Variants in PROSER1 observed in about 807,000 individuals in gnomAD.
PROSER1 encodes proline and serine-rich protein 1.
Under a neutral mutation model 71.8 loss-of-function variants are expected in PROSER1, and 36 were observed. The ratio of observed to expected loss-of-function variants is 0.50; its 90% CI spans 0.38 to 0.66. The LOEUF (loss-of-function observed/expected upper bound fraction) is 0.66. PROSER1 is among the 30% of genes least tolerant of loss of function. The pLI is 0.00. For missense variants in PROSER1, 1,107 were observed against 1,135.0 expected (o/e 0.98, Z 0.35); for synonymous variants, 490 against 452.4 (o/e 1.08, Z -1.06).
chr13:39,022,710 C>T (rs1025831555), intron 8 of PROSER1: 8 of 385,412 alleles, frequency 2.1e-5, no homozygotes, highest in East Asian at 4.2e-5. Flanking sequence ...TTCTGCCAAA[C>T]GCATATACTT....
Position 39,012,225 on chromosome 13 carries a change from G to C in PROSER1, c.2570C>G (p.Ser857Cys). Reference sequence around the variant, plus strand: ...AGAACTGCCTGCAGCTTGAAGTCCAGATGATAAACTAAAACAATTGACAGA... The same window carrying C: ...AGAACTGCCTGCAGCTTGAAGTCCACATGATAAACTAAAACAATTGACAGA... ...SALVAQAGLSSGLQAAGSSVF... is the reference protein window; with the variant it reads ...SALVAQAGLSCGLQAAGSSVF... The change falls in exon 12 of 13, where the codon TCT (serine) becomes TGT (cysteine). Residue 857 changes from serine to cysteine, a missense_variant. Physicochemically the swap from Ser to Cys is moderately radical, Grantham distance 112. Transcript: ENST00000352251. 6.2e-7 allele frequency: 1 copy of C among 1,613,978 alleles called. No individual in the cohort carries two copies. Among genetic ancestry groups the C allele is most frequent in the South Asian group, 1.1e-5 (1 of 91,032 alleles).
chr13:39,036,385 T>C (rs576463682), intron 1 of PROSER1, among the ~76,000 whole-genome samples: 6 of 152,302 alleles, frequency 3.9e-5, no homozygotes, highest in African/African-American at 1.4e-4. Flanking sequence ...TGGCAACAAT[T>C]TCTTCCGTTT....
Position 39,012,208 on chromosome 13 carries a change from C to A in PROSER1, c.2587G>T (p.Gly863Cys). Residue 863 changes from glycine to cysteine, a missense_variant, in exon 12 of 13, where the codon GGC (glycine) becomes TGC (cysteine). By Grantham distance (159) the Gly-to-Cys change is radical. Coordinates refer to ENST00000352251, the MANE Select transcript of PROSER1 (RefSeq NM_025138.5). ...AAAAGGCCTGGAAAAACAGAACTGC[C>A]TGCAGCTTGAAGTCCAGATGATAAA... ...AGLSSGLQAA[G>C]SSVFPGLLSL... 1 of 1,614,136 alleles carries A rather than the reference C, an allele frequency of 6.2e-7. No homozygotes were observed. Among genetic ancestry groups the A allele is most frequent in the Non-Finnish European group, 8.5e-7 (1 of 1,180,014 alleles).
At position 39,022,432 on chromosome 13, in the gene PROSER1, GA is replaced by G. The variant is rs1211035002; in HGVS notation, c.644-21del. 5 of 1,548,928 alleles carry G rather than the reference GA, an allele frequency of 3.2e-6. No individual in the cohort carries two copies. The highest frequency in any genetic ancestry group is 3.6e-6 in the Non-Finnish European group (4 of 1,121,112). On this transcript the variant is annotated intron_variant, in intron 8 of 12. Coordinates refer to ENST00000352251, the MANE Select transcript of PROSER1 (RefSeq NM_025138.5). The stretch of plus-strand genomic sequence containing the variant: ...AAGCACCTAAAATAAAAACACAATA[GA>G]AAAAAATATACCTTAGGACTGTTCT...
In PROSER1 at chr13:39,017,629, AAC is replaced by A. The variant is rs1258835014; in HGVS notation, c.731-87_731-86del. 5 of 724,922 alleles carry A rather than the reference AAC, an allele frequency of 6.9e-6. No individual in the cohort carries two copies. The Admixed American group carries it at 9.0e-5, about 13-fold the overall frequency. 44.9% of individuals were successfully genotyped at this position (724,922 alleles called of 1,614,324 possible). A position where few individuals can be genotyped will look rare whatever the true frequency, so the allele number is the denominator to read the frequency against. ...AAACAGATATTTGGATAAAAAGAAA[AAC>A]ACAGGATATAAATATTTATGGACTA... On this transcript the variant is annotated intron_variant, in intron 9 of 12. Coordinates refer to ENST00000352251, the MANE Select transcript of PROSER1 (RefSeq NM_025138.5).
intron 6 of PROSER1, 149 bp downstream of exon 6, chr13:39,026,128 T>G (rs1477822435): frequency 3.6e-6 from 2 of 552,910 alleles, no homozygotes; most frequent in Non-Finnish European, 6.4e-6. Context: ...AATACTTTAA[T>G]GAAGTTTAGA....
intron 3 of PROSER1, among the ~76,000 whole-genome samples, chr13:39,031,100 T>C (rs2138132278): frequency 1.3e-5 from 2 of 152,348 alleles, no homozygotes; most frequent in South Asian, 4.1e-4. Context: ...ACTAAGCACA[T>C]GTACCTACTT....
intron 3 of PROSER1, among the ~76,000 whole-genome samples, chr13:39,031,156 G>A (rs1870822690): frequency 6.6e-6 from 1 of 152,114 alleles, no homozygotes; most frequent in South Asian, 2.1e-4. Context: ...CCTCAGATGA[G>A]GCACATTCAA....
intron 3 of PROSER1, among the ~76,000 whole-genome samples, chr13:39,031,269 C>T (rs1302671166): frequency 2.6e-5 from 4 of 152,094 alleles, no homozygotes; most frequent in African/African-American, 7.2e-5. Flanking sequence ...AAGATGGTGA[C>T]GATGGATATT....
intron 10 of PROSER1, among the ~76,000 whole-genome samples, chr13:39,015,863 G>T (rs897736792): frequency 2.0e-5 from 3 of 151,950 alleles, no homozygotes; most frequent in African/African-American, 7.3e-5. Flanking sequence ...TACGTTTTTT[G>T]TACTTAATTT....
At chr13:39,023,272 G>T in intron 7 of PROSER1, 142 bp from the exon 8 acceptor site, 1 of 588,208 alleles carries the variant, frequency 1.7e-6, no homozygotes, top group Non-Finnish European at 3.0e-6. Context: ...GACAACAAAT[G>T]AGGGAAATTT....
chr13:39,036,649 G>A (rs1871122216), intron 1 of PROSER1, among the ~76,000 whole-genome samples: 1 of 152,100 alleles, frequency 6.6e-6, no homozygotes, highest in Non-Finnish European at 1.5e-5. Context: ...GAAAGCAGGA[G>A]AAAAAAGTTT....
rs567625563 is a variant in PROSER1 at position 39,033,766 on chromosome 13, T to C, written c.111+365A>G. On this transcript the variant is annotated intron_variant, in intron 2 of 12. Transcript: ENST00000352251. Reference sequence around the variant, plus strand: ...AAACATATTTCATTATTTGTTCACATTTTCTTTTATATTACATGACGAATT... The same window carrying C: ...AAACATATTTCATTATTTGTTCACACTTTCTTTTATATTACATGACGAATT... 1.5e-4 allele frequency among the ~76,000 whole-genome samples: 23 copies of C among 152,362 alleles called. No individual in the cohort carries two copies. The South Asian group carries it at 4.8e-3, about 32-fold the overall frequency.
Position 39,011,321 on chromosome 13 carries a change from G to T in PROSER1, c.*44C>A. The T allele has an allele frequency of 1.3e-6, 2 of 1,599,666 alleles. No individual in the cohort carries two copies. Among genetic ancestry groups the T allele is most frequent in the Non-Finnish European group, 8.6e-7 (1 of 1,169,112 alleles). ...TCAGATTGTTCATTGCAGTTCTCAG[G>T]CAATTCTGATGTTGCTCTGAAGGAG... On this transcript the variant is annotated 3_prime_UTR_variant, in exon 13 of 13. Transcript: ENST00000352251.
chr13:39,028,241 T>C lies in PROSER1; in HGVS notation c.355A>G (p.Arg119Gly), dbSNP rs202166441. 5 of 1,572,908 alleles carry C rather than the reference T, an allele frequency of 3.2e-6. No homozygotes were observed. The highest frequency in any genetic ancestry group is 4.4e-6 in the Non-Finnish European group (5 of 1,143,474). Reference sequence around the variant, plus strand: ...TAGAAAACTACCTGTTCAAGTATTCTCTTGCACCGTTTCTTCTCAGACATA... The same window carrying C: ...TAGAAAACTACCTGTTCAAGTATTCCCTTGCACCGTTTCTTCTCAGACATA... Reference protein sequence around the residue: ...VNMSEKKRCKRILEQAFKGGC... With the variant: ...VNMSEKKRCKGILEQAFKGGC... Residue 119 changes from arginine (R) to glycine (G), a missense_variant, in exon 5 of 13, where the codon AGA (arginine) becomes GGA (glycine). By Grantham distance (125) the Arg-to-Gly change is moderately radical. Transcript: ENST00000352251.
intron 9 of PROSER1, among the ~76,000 whole-genome samples, chr13:39,018,982 A>T (rs1299706721): frequency 1.3e-5 from 2 of 152,148 alleles, no homozygotes; most frequent in East Asian, 3.9e-4. Context: ...AATAAAGAAA[A>T]TTATCTGGAA....
Position 39,030,477 on chromosome 13 carries a change from T to A in PROSER1, c.180+1086A>T, listed in dbSNP as rs9576707. ...GACAGGCAAGCAGGCCTCAGAGCTC[T>A]GTCATGAGTTTGTTGTCCTGATAAA... On this transcript the variant is annotated intron_variant, in intron 3 of 12. Coordinates refer to ENST00000352251, the MANE Select transcript of PROSER1 (RefSeq NM_025138.5). Among the ~76,000 whole-genome samples, 95 of 152,192 alleles carry A rather than the reference T, an allele frequency of 6.2e-4. 1 individual carries two copies. Among genetic ancestry groups the A allele is most frequent in the Non-Finnish European group, 1.1e-3 (76 of 68,020 alleles).
chr13:39,021,791 G>A (rs575477364), intron 9 of PROSER1, among the ~76,000 whole-genome samples: 1 of 152,260 alleles, frequency 6.6e-6, no homozygotes, highest in African/African-American at 2.4e-5. Context: ...ATTTAGTGGG[G>A]CTGATTTGGA....
chr13:39,019,215 GGA>G (rs1870163217), intron 9 of PROSER1, among the ~76,000 whole-genome samples: 1 of 151,782 alleles, frequency 6.6e-6, no homozygotes, highest in South Asian at 2.1e-4. Flanking sequence ...ATTTTAAAAA[GGA>G]GAGGTCGGGC....
Sources: gnomAD v4.1 joint callset for allele counts (sites outside exome capture counted in the v4.1 genomes callset) on GRCh38, gnomAD v4.1.1 for gene constraint, MANE v1.5 for transcripts, NCBI Gene and HGNC (gene_info 2026-07-23, HGNC 2026-07-21) for gene names.